BPIFB2: variants seen among roughly 807,000 people sequenced by gnomAD.
BPIFB2 encodes BPI fold-containing family B member 2.
BPIFB2 carries 39 observed loss-of-function variants against 50.1 expected under a neutral mutation model. The ratio of observed to expected loss-of-function variants is 0.78; its 90% CI spans 0.60 to 1.02. The LOEUF is 1.02. Ranked by LOEUF, BPIFB2 falls within the 50% of genes least tolerant of loss-of-function variation. BPIFB2 has a pLI of 0.00. For missense variants in BPIFB2, 574 were observed against 585.8 expected (o/e 0.98, Z 0.21); for synonymous variants, 280 against 256.3 (o/e 1.09, Z -0.88).
At chr20:33,008,021 G>C (rs1990232370) in intron 1 of BPIFB2, among the ~76,000 whole-genome samples, 1 of 152,186 alleles carries the variant, frequency 6.6e-6, no homozygotes. Context: ...GAGGATGGGG[G>C]CCATGTGAGA....
At chr20:33,012,172 C>A (rs555495757) in intron 3 of BPIFB2, among the ~76,000 whole-genome samples, 159 of 152,218 alleles carry the variant, frequency 1.0e-3, no homozygotes, top group South Asian at 3.7e-3. Context: ...AAATACCCAG[C>A]GACCAAAGAT....
At chr20:33,016,997 C>T (rs1277713720) in intron 6 of BPIFB2, 45 bp from the exon 7 acceptor site, 14 of 1,580,330 alleles carry the variant, frequency 8.9e-6, no homozygotes, top group Non-Finnish European at 1.2e-5. Context: ...CCTCCAGCCC[C>T]AGGGCTGCCC....
chr20:33,023,254 G>C, intron 15 of BPIFB2, 88 bp from the exon 16 acceptor site: 1 of 1,334,354 alleles, frequency 7.5e-7, no homozygotes, highest in Non-Finnish European at 1.1e-6. Flanking sequence ...AAGAATGGCA[G>C]AGCAGAACTC....
rs140853976 is a variant in BPIFB2 at position 33,023,103 on chromosome 20, A to T, written c.1336-239A>T. Among the ~76,000 whole-genome samples the T allele has an allele frequency of 2.4e-3, 370 of 152,284 alleles. 2 individuals carry two copies. The highest frequency in any genetic ancestry group is 8.4e-3 in the African/African-American group (348 of 41,548). ...AAGCATCAGTGGTATCCACCATCGG[A>T]GCAGCAACCAGTGCCTTCCATGGGG... On this transcript the variant is annotated intron_variant, in intron 15 of 15. Coordinates refer to ENST00000170150, the MANE Select transcript of BPIFB2 (RefSeq NM_025227.3).
In BPIFB2 at chr20:33,019,751, G is replaced by A; in HGVS notation, c.1080+1G>A. On this transcript the variant is annotated splice_donor_variant, in intron 11 of 15. Transcript: ENST00000170150. LOFTEE classifies it high-confidence loss of function. ...CCAGTCCCTCTTCTCCCTGGATGTG[G>A]TGAGTGCGGTGGGGCTGGTCGGAAG... 1 of 1,600,014 alleles carries A rather than the reference G, an allele frequency of 6.2e-7. No individual in the cohort carries two copies. The highest frequency in any genetic ancestry group is 8.5e-7 in the Non-Finnish European group (1 of 1,171,924).
At position 33,017,111 on chromosome 20, in the gene BPIFB2, T is replaced by G; in HGVS notation, c.577+9T>G. ...CCTGGGCACCTTAATTGGTAAGATC[T>G]GGGAGCCAGGGGAGGGGGCTGGGGC... On this transcript the variant is annotated intron_variant, in intron 7 of 15. Transcript: ENST00000170150. 1 of 1,613,480 alleles carries G rather than the reference T, an allele frequency of 6.2e-7. No individual in the cohort carries two copies. The highest frequency in any genetic ancestry group is 1.3e-5 in the African/African-American group (1 of 75,046).
intron 11 of BPIFB2, 133 bp downstream of exon 11, chr20:33,019,883 G>C (rs948104950): frequency 8.4e-7 from 1 of 1,195,750 alleles, no homozygotes; most frequent in Non-Finnish European, 1.1e-6. Context: ...GGACACTCCC[G>C]CCCCAGGACC....
At position 33,017,012 on chromosome 20, in the gene BPIFB2, C is replaced by T. The variant is rs746641116; in HGVS notation, c.517-30C>T. Reference sequence around the variant, plus strand: ...CCTCCAGCCCCAGGGCTGCCCTAACCCCAGCCTCCTTCTCTCTGTCTTACC... The same window carrying T: ...CCTCCAGCCCCAGGGCTGCCCTAACTCCAGCCTCCTTCTCTCTGTCTTACC... On this transcript the variant is annotated intron_variant, in intron 6 of 15. Transcript: ENST00000170150. 3.7e-6 allele frequency: 6 copies of T among 1,610,502 alleles called. No individual in the cohort carries two copies. The South Asian group carries it at 4.4e-5, about 12-fold the overall frequency.
At chr20:33,008,823 AGTGCCTGACACATGGC>A (rs1990248284) in intron 2 of BPIFB2, 140 bp downstream of exon 2, 1 of 663,150 alleles carries the variant, frequency 1.5e-6, no homozygotes, top group Admixed American at 3.4e-5. Context: ...GCACCCAGAC[AGTGCCTGACACATGGC>A]GCTGCTCAAC....
In BPIFB2 at chr20:33,011,124, G is replaced by A. The variant is rs763080696; in HGVS notation, c.203+7G>A. On this transcript the variant is annotated splice_region_variant and intron_variant, in intron 3 of 15. Coordinates refer to ENST00000170150, the MANE Select transcript of BPIFB2 (RefSeq NM_025227.3). ...AGGCGCTTCAGCCCACCAGGTGAGT[G>A]CTCCCCTCCTCCAGAGAAGGTGCTC... 2 of 1,612,300 alleles carry A rather than the reference G, an allele frequency of 1.2e-6. No individual in the cohort carries two copies. The highest frequency in any genetic ancestry group is 2.2e-5 in the South Asian group (2 of 90,992).
intron 12 of BPIFB2, 65 bp downstream of exon 12, chr20:33,020,460 C>T: frequency 6.2e-7 from 1 of 1,600,812 alleles, no homozygotes; most frequent in Non-Finnish European, 8.5e-7. Context: ...TCCATCACCA[C>T]CCTGGGTCAC....
At chr20:33,017,730 A>G (rs1978488175) in intron 7 of BPIFB2, among the ~76,000 whole-genome samples, 2 of 152,190 alleles carry the variant, frequency 1.3e-5, no homozygotes, top group Non-Finnish European at 2.9e-5. Context: ...CTGACCAGGT[A>G]TTACAATCCT....
chr20:33,008,574 C>G lies in BPIFB2; in HGVS notation c.-1C>G. The G allele has an allele frequency of 6.3e-7, 1 of 1,591,244 alleles. No individual in the cohort carries two copies. Among genetic ancestry groups the G allele is most frequent in the Non-Finnish European group, 8.6e-7 (1 of 1,168,840 alleles). On this transcript the variant is annotated 5_prime_UTR_variant, in exon 2 of 16. Transcript: ENST00000170150. ...TCCTGTGGGCAGCGGCCAGGGCAGCCATGGCTTGGGCAAGTAGGCTGGGCC... is the reference window on the plus strand; with the variant it reads ...TCCTGTGGGCAGCGGCCAGGGCAGCGATGGCTTGGGCAAGTAGGCTGGGCC...
chr20:33,021,241 C>T (rs778952905), intron 13 of BPIFB2, 40 bp from the exon 14 acceptor site: 18 of 1,607,318 alleles, frequency 1.1e-5, no homozygotes, highest in African/African-American at 9.4e-5. Flanking sequence ...CCTGGCCCCT[C>T]GGCTGGGACG....
At chr20:33,016,147 C>T (rs1007966698) in intron 6 of BPIFB2, among the ~76,000 whole-genome samples, 1 of 152,206 alleles carries the variant, frequency 6.6e-6, no homozygotes, top group African/African-American at 2.4e-5. Flanking sequence ...CATCCCAACC[C>T]CACTACTGCT....
chr20:33,007,964 C>T (rs1990231194), intron 1 of BPIFB2, among the ~76,000 whole-genome samples: 2 of 152,204 alleles, frequency 1.3e-5, no homozygotes, highest in Admixed American at 6.5e-5. Flanking sequence ...GGCTCCCTCT[C>T]CCTGAGTCAG....
In BPIFB2 at chr20:33,011,084, T is replaced by C. The variant is rs1990280110; in HGVS notation, c.170T>C (p.Leu57Pro). ...CTGCAGGTCACTGTCCCTCATTTCC[T>C]GGACTGGAGTGGAGAGGCGCTTCAG... Reference protein sequence around the residue: ...RALQVTVPHFLDWSGEALQPT... With the variant: ...RALQVTVPHFPDWSGEALQPT... Residue 57 changes from leucine (L) to proline (P), a missense_variant, in exon 3 of 16, where the codon CTG becomes CCG. Transcript: ENST00000170150. 1 of 1,614,022 alleles carries C rather than the reference T, an allele frequency of 6.2e-7. No homozygotes were observed. Among genetic ancestry groups the C allele is most frequent in the Admixed American group, 1.7e-5 (1 of 60,008 alleles).
chr20:33,011,239 C>A, intron 3 of BPIFB2, 122 bp downstream of exon 3: 1 of 892,254 alleles, frequency 1.1e-6, no homozygotes, highest in Non-Finnish European at 1.7e-6. Context: ...TGCTCCTATC[C>A]ACGGGGCAAA....
chr20:33,013,986 GA>G, intron 5 of BPIFB2, 30 bp downstream of exon 5: 1 of 1,599,202 alleles, frequency 6.3e-7, no homozygotes, highest in South Asian at 1.1e-5. Flanking sequence ...AGGGTCACAG[GA>G]ATCCCAGATG....
Sources: gnomAD v4.1 joint callset for allele counts (sites outside exome capture counted in the v4.1 genomes callset) on GRCh38, gnomAD v4.1.1 for gene constraint, MANE v1.5 for transcripts, NCBI Gene and HGNC (gene_info 2026-07-23, HGNC 2026-07-21) for gene names.